Variants in EXOC4 observed in about 807,000 individuals in gnomAD.
EXOC4 encodes the protein SEC8-like 1.
EXOC4 carries 71 observed loss-of-function variants against 107.2 expected under a neutral mutation model. The observed-to-expected ratio is 0.66, with a 90% CI of 0.55 to 0.81. The LOEUF (loss-of-function observed/expected upper bound fraction) is 0.81, where lower values mean the gene tolerates loss of function less well. Ranked by LOEUF, EXOC4 falls within the 30% of genes least tolerant of loss-of-function variation. The probability of loss-of-function intolerance (pLI) is 0.00; values close to 1 mark genes in which losing one functional copy is unlikely to be tolerated. For synonymous variants in EXOC4, 456 were observed against 441.2 expected (o/e 1.03, Z -0.42); for missense variants, 1,108 against 1,189.6 (o/e 0.93, Z 1.01).
At chr7:133,443,575 C>T (rs531142963) in intron 7 of EXOC4, among the ~76,000 whole-genome samples, 1 of 152,102 alleles carries the variant, frequency 6.6e-6, no homozygotes, top group Non-Finnish European at 1.5e-5. Context: ...CCAGCAGATG[C>T]TTTGGGTGAG....
At chr7:133,278,214 A>G (rs9632700) in intron 2 of EXOC4, among the ~76,000 whole-genome samples, 46,618 of 152,118 alleles carry the variant, frequency 0.31, 7,523 homozygotes, top group South Asian at 0.39. Flanking sequence ...AACAACATTT[A>G]TGTAGTCTCT....
At chr7:133,778,324 G>A (rs1796388654) in intron 10 of EXOC4, among the ~76,000 whole-genome samples, 1 of 152,166 alleles carries the variant, frequency 6.6e-6, no homozygotes, top group Non-Finnish European at 1.5e-5. Context: ...GTCAGGCATG[G>A]TGGGTCACAC....
chr7:133,532,742 G>A (rs1039034167), intron 9 of EXOC4, among the ~76,000 whole-genome samples: 1 of 152,004 alleles, frequency 6.6e-6, no homozygotes, highest in Non-Finnish European at 1.5e-5. Flanking sequence ...ATGTTTGGAG[G>A]TGTCAGTAAT....
chr7:134,017,404 C>T (rs1358541857), intron 17 of EXOC4, among the ~76,000 whole-genome samples: 2 of 152,154 alleles, frequency 1.3e-5, no homozygotes, highest in African/African-American at 2.4e-5. Flanking sequence ...ATGGCTTCCA[C>T]TGCCAGATAG....
At chr7:133,930,067 C>G (rs1800142408) in intron 13 of EXOC4, among the ~76,000 whole-genome samples, 1 of 152,138 alleles carries the variant, frequency 6.6e-6, no homozygotes, top group African/African-American at 2.4e-5. Flanking sequence ...GCTTTTAAAC[C>G]TATACTCAGT....
chr7:133,404,774 C>T (rs1290048264), intron 7 of EXOC4, among the ~76,000 whole-genome samples: 1 of 151,640 alleles, frequency 6.6e-6, no homozygotes, highest in African/African-American at 2.4e-5. Context: ...GCCTGTAATC[C>T]CAGCACTTTG....
the EXOC4 span, among the ~76,000 whole-genome samples, chr7:134,076,543 A>G: frequency 6.6e-6 from 1 of 152,066 alleles, no homozygotes; most frequent in Non-Finnish European, 1.5e-5. Context: ...AGCAACAAGT[A>G]TGTGTTGTTC....
At chr7:133,753,234 T>A (rs776088051) in intron 10 of EXOC4, among the ~76,000 whole-genome samples, 8 of 152,214 alleles carry the variant, frequency 5.3e-5, no homozygotes, top group Non-Finnish European at 1.0e-4. Context: ...GGGAAGAAGC[T>A]GAGGTAACTG....
At chr7:133,925,610 G>C (rs1800033180) in intron 13 of EXOC4, among the ~76,000 whole-genome samples, 1 of 152,078 alleles carries the variant, frequency 6.6e-6, no homozygotes, top group Admixed American at 6.5e-5. Context: ...TTCATACCCT[G>C]AATGAAAGAA....
intron 10 of EXOC4, among the ~76,000 whole-genome samples, chr7:133,665,667 G>T (rs1793794258): frequency 6.6e-6 from 1 of 152,020 alleles, no homozygotes; most frequent in African/African-American, 2.4e-5. Flanking sequence ...AGAATTATTT[G>T]ACAACACATT....
chr7:133,418,207 T>C (rs966758250), intron 7 of EXOC4, among the ~76,000 whole-genome samples: 2 of 152,244 alleles, frequency 1.3e-5, no homozygotes, highest in Non-Finnish European at 2.9e-5. Flanking sequence ...TCTTGGAGAA[T>C]CCCAGACTCG....
At chr7:134,062,252 AT>A (rs1436971890) in intron 17 of EXOC4, among the ~76,000 whole-genome samples, 1 of 152,134 alleles carries the variant, frequency 6.6e-6, no homozygotes, top group African/African-American at 2.4e-5. Context: ...TCTCTCCCCT[AT>A]TTTTAAAAGA....
At chr7:133,751,092 G>A (rs1795785313) in intron 10 of EXOC4, among the ~76,000 whole-genome samples, 1 of 152,136 alleles carries the variant, frequency 6.6e-6, no homozygotes, top group African/African-American at 2.4e-5. Flanking sequence ...TTTTATGGAA[G>A]ACCATCAAAA....
intron 6 of EXOC4, among the ~76,000 whole-genome samples, chr7:133,364,211 CT>C (rs1796198057): frequency 6.6e-6 from 1 of 151,790 alleles, no homozygotes; most frequent in Non-Finnish European, 1.5e-5. Context: ...TCACTGTAGC[CT>C]TGACCCCCCC....
chr7:133,984,887 TA>T (rs1345759357), intron 14 of EXOC4, among the ~76,000 whole-genome samples: 4 of 152,130 alleles, frequency 2.6e-5, no homozygotes, highest in Non-Finnish European at 5.9e-5. Context: ...CTAGAGGTAA[TA>T]AAAAGTGCAA....
At chr7:133,395,687 C>A (rs1272328421) in intron 7 of EXOC4, among the ~76,000 whole-genome samples, 1 of 152,078 alleles carries the variant, frequency 6.6e-6, no homozygotes, top group Non-Finnish European at 1.5e-5. Flanking sequence ...AAAACACACA[C>A]ACACACTGTA....
chr7:133,781,670 G>A (rs1180893456), intron 10 of EXOC4, among the ~76,000 whole-genome samples: 2 of 152,178 alleles, frequency 1.3e-5, no homozygotes, highest in Non-Finnish European at 2.9e-5. Context: ...AGATTGATAT[G>A]TCCCCAGAGA....
chr7:133,977,620 A>G lies in EXOC4; in HGVS notation c.2207-19872A>G, dbSNP rs1454991716. Among the ~76,000 whole-genome samples the G allele has an allele frequency of 3.3e-5, 5 of 152,172 alleles. No individual in the cohort carries two copies. In the East Asian group the frequency reaches 9.7e-4, roughly 29 times the overall value. Reference sequence around the variant, plus strand: ...CTGTGACCAAATCTTTCCTTTTCAAAGATAGTGGTTTGCGAGCAGCTGGTT... The same window carrying G: ...CTGTGACCAAATCTTTCCTTTTCAAGGATAGTGGTTTGCGAGCAGCTGGTT... On this transcript the variant is annotated intron_variant, in intron 14 of 17. Coordinates refer to ENST00000253861, the MANE Select transcript of EXOC4 (RefSeq NM_021807.4).
rs35224246 is a variant in EXOC4, at chr7:133,780,303, TA to T, written c.1515-37009del. On this transcript the variant is annotated intron_variant, in intron 10 of 17. Coordinates refer to ENST00000253861, the MANE Select transcript of EXOC4 (RefSeq NM_021807.4). Reference sequence around the variant, plus strand: ...TTCCTGTAATTGCTTTTGAAGAATCTAAAAAAAAAAAAAGCCATACTTTTAG... The same window carrying T: ...TTCCTGTAATTGCTTTTGAAGAATCTAAAAAAAAAAAAGCCATACTTTTAG... 5.8e-3 allele frequency among the ~76,000 whole-genome samples: 831 copies of T among 143,696 alleles called. 5 individuals carry two copies. The highest frequency in any genetic ancestry group is 0.015 in the African/African-American group (593 of 39,396). The allele number at this position is 143,696 out of a possible 152,430, so 94.3% of individuals were successfully genotyped here.
Sources: allele counts gnomAD v4.1 joint callset (sites outside exome capture counted in the v4.1 genomes callset), GRCh38; gene constraint gnomAD v4.1.1; transcripts MANE v1.5; gene names NCBI Gene and HGNC (gene_info 2026-07-23, HGNC 2026-07-21).